Variants in FAM107B observed in about 807,000 individuals in gnomAD.
FAM107B encodes protein FAM107B.
A neutral mutation model predicts 31.5 loss-of-function variants in FAM107B; 21 were observed. The observed-to-expected ratio is 0.67, with a 90% confidence interval of 0.47 to 0.96. The LOEUF (loss-of-function observed/expected upper bound fraction) is 0.96, where lower values mean the gene tolerates loss of function less well. FAM107B is among the 40% of genes least tolerant of loss of function. FAM107B has a pLI of 0.00. For missense variants in FAM107B, 452 were observed against 377.1 expected, an observed-to-expected ratio of 1.20 and a Z score of -1.64; for synonymous variants, 157 against 141.5, an observed-to-expected ratio of 1.11 and a Z score of -0.78.
At chr10:14,688,248 A>C (rs1855037518) in intron 1 of FAM107B, among the ~76,000 whole-genome samples, 2 of 152,180 alleles carry the variant, frequency 1.3e-5, no homozygotes, top group African/African-American at 4.8e-5. Flanking sequence ...TTGGCCACAG[A>C]CTGAAGGCTG....
intron 2 of FAM107B, among the ~76,000 whole-genome samples, chr10:14,539,386 G>A (rs1847952623): frequency 1.3e-5 from 2 of 152,100 alleles, no homozygotes; most frequent in South Asian, 2.1e-4. Flanking sequence ...AATTACTCCT[G>A]CAACTAAATT....
At chr10:14,611,484 T>TTA (rs3035276) in intron 2 of FAM107B, among the ~76,000 whole-genome samples, 2,259 of 123,934 alleles carry the variant, frequency 0.018, 27 homozygotes, top group Non-Finnish European at 0.022. Flanking sequence ...AATGCCAGTT[T>TTA]TATATATATA....
intron 1 of FAM107B, among the ~76,000 whole-genome samples, chr10:14,716,306 C>T (rs1288028011): frequency 1.3e-5 from 2 of 152,222 alleles, no homozygotes; most frequent in African/African-American, 2.4e-5. Flanking sequence ...CCATGGTCAT[C>T]TGAAGGCTCC....
At chr10:14,631,765 G>A (rs557748668) in intron 2 of FAM107B, among the ~76,000 whole-genome samples, 1 of 152,192 alleles carries the variant, frequency 6.6e-6, no homozygotes, top group African/African-American at 2.4e-5. Context: ...CTAACCCCAT[G>A]CCATGAGCAT....
chr10:14,630,762 G>A (rs1233762893), intron 2 of FAM107B, among the ~76,000 whole-genome samples: 4 of 152,008 alleles, frequency 2.6e-5, no homozygotes, highest in South Asian at 4.1e-4. Flanking sequence ...AAGGCAGGAG[G>A]ATTCCTTGAG....
chr10:14,612,964 C>CT (rs1211904993), intron 2 of FAM107B, among the ~76,000 whole-genome samples: 3 of 152,028 alleles, frequency 2.0e-5, no homozygotes, highest in Admixed American at 1.3e-4. Context: ...GGTAAACTTT[C>CT]TTTTTTTAAT....
At chr10:14,644,540 T>C (rs1383740696) in intron 2 of FAM107B, among the ~76,000 whole-genome samples, 2 of 152,256 alleles carry the variant, frequency 1.3e-5, no homozygotes, top group African/African-American at 4.8e-5. Flanking sequence ...TGTTCTCCTC[T>C]GCACTAGAAC....
At chr10:14,721,794 T>G (rs1855918470) in intron 1 of FAM107B, among the ~76,000 whole-genome samples, 1 of 152,242 alleles carries the variant, frequency 6.6e-6, no homozygotes, top group Non-Finnish European at 1.5e-5. Flanking sequence ...ATTCTGTAGG[T>G]TGCCTGTTCA....
chr10:14,704,391 GA>G (rs1855474710), intron 1 of FAM107B, among the ~76,000 whole-genome samples: 1 of 151,908 alleles, frequency 6.6e-6, no homozygotes, highest in Non-Finnish European at 1.5e-5. Flanking sequence ...AAGTGTCACA[GA>G]AGAATCCAAT....
At chr10:14,753,377 A>C (rs1346757230) in intron 1 of FAM107B, among the ~76,000 whole-genome samples, 6 of 152,242 alleles carry the variant, frequency 3.9e-5, no homozygotes, top group Non-Finnish European at 8.8e-5. Context: ...ACCCCGTTAC[A>C]TCAAAGCCGT....
At chr10:14,627,530 T>G (rs1417302323) in intron 2 of FAM107B, among the ~76,000 whole-genome samples, 1 of 152,138 alleles carries the variant, frequency 6.6e-6, no homozygotes, top group Admixed American at 6.5e-5. Context: ...TCCCAACACT[T>G]TGGAAGGCCA....
chr10:14,748,161 T>C (rs1313620988), intron 1 of FAM107B, among the ~76,000 whole-genome samples: 2 of 152,248 alleles, frequency 1.3e-5, no homozygotes, highest in East Asian at 3.8e-4. Context: ...GATTGTGGGC[T>C]ACTTAAGAAG....
intron 2 of FAM107B, chr10:14,555,894 A>ACACACACACACACACACAC (rs112020800): frequency 8.1e-5 from 12 of 148,192 alleles, no homozygotes; most frequent in African/African-American, 2.2e-4. Context: ...AGACATCTTT[A>ACACACACACACACACACAC]ACACACACAC....
chr10:14,534,622 G>T (rs57463138), intron 2 of FAM107B, among the ~76,000 whole-genome samples: 1 of 152,112 alleles, frequency 6.6e-6, no homozygotes, highest in African/African-American at 2.4e-5. Flanking sequence ...CTCCGAAGGC[G>T]TGCTGAGGCT....
intron 2 of FAM107B, chr10:14,612,340 T>G (rs1443577498): frequency 2.0e-5 from 3 of 152,214 alleles, no homozygotes; most frequent in Non-Finnish European, 4.4e-5. Flanking sequence ...TGGAACTTTA[T>G]AAGGAAAAAG....
intron 2 of FAM107B, among the ~76,000 whole-genome samples, chr10:14,643,077 C>G (rs564120669): frequency 6.6e-6 from 1 of 151,880 alleles, no homozygotes; most frequent in East Asian, 1.9e-4. Context: ...TTAGGTTTCT[C>G]CAGAAGAACA....
chr10:14,523,441 C>G (rs923418888), intron 3 of FAM107B, among the ~76,000 whole-genome samples: 6 of 152,238 alleles, frequency 3.9e-5, no homozygotes, highest in African/African-American at 1.4e-4. Context: ...AACAGTAATT[C>G]AGGCTTTTCT....
intron 2 of FAM107B, among the ~76,000 whole-genome samples, chr10:14,643,242 C>G (rs1853673149): frequency 6.6e-6 from 1 of 151,876 alleles, no homozygotes; most frequent in Admixed American, 6.6e-5. Context: ...AATTTCAGTT[C>G]AAAAGCTGGC....
intron 1 of FAM107B, among the ~76,000 whole-genome samples, chr10:14,688,044 G>A (rs191121592): frequency 2.0e-5 from 3 of 152,336 alleles, no homozygotes; most frequent in Non-Finnish European, 4.4e-5. Context: ...TTGGGTGGGC[G>A]CCATCTAATC....
Sources: gnomAD v4.1 joint callset for allele counts (sites outside exome capture counted in the v4.1 genomes callset) on GRCh38, gnomAD v4.1.1 for gene constraint, MANE v1.5 for transcripts, NCBI Gene and HGNC (gene_info 2026-07-23, HGNC 2026-07-21) for gene names.